FAM117A: variants seen among roughly 807,000 people sequenced by gnomAD.
FAM117A encodes protein FAM117A.
In FAM117A, 21 loss-of-function variants were observed where a neutral mutation model predicts 44.1. That is an observed-to-expected ratio of 0.48 (90% CI 0.34 to 0.69). FAM117A has a LOEUF of 0.69. Among genes scored for constraint, FAM117A ranks in the 30% least tolerant of loss-of-function variants. The pLI is 0.01. For missense variants in FAM117A, 498 were observed against 589.9 expected (o/e 0.84, Z 1.61); for synonymous variants, 220 against 238.3 (o/e 0.92, Z 0.71).
chr17:49,732,704 C>T lies in FAM117A; in HGVS notation c.213G>A (p.Ser71=), dbSNP rs761863833. ...GGGRAASVPC[S]VAPEKSVCRP... is the part of the protein sequence containing the mutation. ...TACACACTGACTTTTCTGGGGCCAC[C>T]GAGCATGGGACGCTGGCTGCAAGAG... Residue 71 remains serine, a synonymous_variant, in exon 2 of 8, where the codon TCG becomes TCA. Coordinates refer to ENST00000240364, the MANE Select transcript of FAM117A (RefSeq NM_030802.4). 6.2e-7 allele frequency: 1 copy of T among 1,613,470 alleles called. No homozygotes were observed. The highest frequency in any genetic ancestry group is 8.5e-7 in the Non-Finnish European group (1 of 1,179,722).
At chr17:49,783,379 G>A (rs958407853) in intron 1 of FAM117A, among the ~76,000 whole-genome samples, 1 of 152,160 alleles carries the variant, frequency 6.6e-6, no homozygotes. Context: ...GGTGGGAGAA[G>A]AACTGCTATT....
chr17:49,774,549 G>A (rs568234352), intron 1 of FAM117A, among the ~76,000 whole-genome samples: 6 of 152,044 alleles, frequency 3.9e-5, no homozygotes, highest in African/African-American at 1.4e-4. Flanking sequence ...TAGTAGAGAC[G>A]GGGTTTCACC....
chr17:49,773,053 C>T (rs1394725155), intron 1 of FAM117A, among the ~76,000 whole-genome samples: 1 of 152,128 alleles, frequency 6.6e-6, no homozygotes, highest in African/African-American at 2.4e-5. Flanking sequence ...CAACTGTAAT[C>T]CCAGCACTTT....
intron 1 of FAM117A, among the ~76,000 whole-genome samples, chr17:49,745,764 A>C (rs1227490244): frequency 1.3e-5 from 2 of 152,230 alleles, no homozygotes; most frequent in Non-Finnish European, 2.9e-5. Flanking sequence ...TGTTAGTCTC[A>C]AAAAACAAAT....
At chr17:49,753,330 G>A (rs1443115784) in intron 1 of FAM117A, among the ~76,000 whole-genome samples, 1 of 152,212 alleles carries the variant, frequency 6.6e-6, no homozygotes, top group African/African-American at 2.4e-5. Context: ...AATGCCCTTT[G>A]CCTAATTAAG....
chr17:49,786,798 A>C (rs1341421299), intron 1 of FAM117A, among the ~76,000 whole-genome samples: 1 of 150,730 alleles, frequency 6.6e-6, no homozygotes, highest in Admixed American at 6.6e-5. Context: ...AAAAAAAAGA[A>C]AGGCTGGTAT....
upstream of FAM117A, among the ~76,000 whole-genome samples, chr17:49,765,401 G>A (rs1242358142): frequency 6.6e-6 from 1 of 152,180 alleles, no homozygotes; most frequent in Admixed American, 6.5e-5. Context: ...ATTCCCTGAA[G>A]CCATACTAAC....
intron 1 of FAM117A, among the ~76,000 whole-genome samples, chr17:49,740,325 T>C (rs112322515): frequency 0.036 from 5,539 of 151,878 alleles, 196 homozygotes; most frequent in East Asian, 0.098. Flanking sequence ...TCGGCGCTCA[T>C]TGCAAGCTCC....
At position 49,716,305 on chromosome 17, in the gene FAM117A, T is replaced by C. The variant is rs750574327; in HGVS notation, c.921A>G (p.Pro307=). Residue 307 remains proline (P), a synonymous_variant, in exon 7 of 8, where the codon CCA becomes CCG. Coordinates refer to ENST00000240364, the MANE Select transcript of FAM117A (RefSeq NM_030802.4). ...ASTPNDKASS[P]GHPAFLEDGS... Reference sequence around the variant, plus strand: ...CATCTTCAAGAAAGGCTGGGTGTCCTGGAGAGGAGGCTGTGAACAGAGCAA... The same window carrying C: ...CATCTTCAAGAAAGGCTGGGTGTCCCGGAGAGGAGGCTGTGAACAGAGCAA... 4.4e-6 allele frequency: 7 copies of C among 1,592,194 alleles called. No individual in the cohort carries two copies. The highest frequency in any genetic ancestry group is 1.7e-5 in the Admixed American group (1 of 58,040).
intron 1 of FAM117A, among the ~76,000 whole-genome samples, chr17:49,780,804 T>C (rs2073787457): frequency 1.3e-5 from 2 of 152,188 alleles, no homozygotes; most frequent in Middle Eastern, 3.4e-3. Context: ...GAGGAGAAAA[T>C]ACTAAAGACA....
chr17:49,750,682 A>G (rs1243372644), intron 1 of FAM117A, among the ~76,000 whole-genome samples: 1 of 152,212 alleles, frequency 6.6e-6, no homozygotes, highest in African/African-American at 2.4e-5. Flanking sequence ...AGGCTGAGAC[A>G]GGAGCATCGC....
upstream of FAM117A, among the ~76,000 whole-genome samples, chr17:49,766,918 C>A (rs1233818696): frequency 1.3e-5 from 2 of 152,120 alleles, no homozygotes; most frequent in African/African-American, 4.8e-5. Flanking sequence ...ATTCCAAAGC[C>A]AAGGTACCAG....
rs555628601 is a variant in FAM117A at position 49,751,528 on chromosome 17, C to T, written c.196+12364G>A. Among the ~76,000 whole-genome samples the T allele has an allele frequency of 2.0e-3, 304 of 151,666 alleles. 4 individuals carry two copies. Among genetic ancestry groups the T allele is most frequent in the African/African-American group, 6.9e-3 (287 of 41,320 alleles). On this transcript the variant is annotated intron_variant, in intron 1 of 7. Transcript: ENST00000240364. ...CAGGGAGGCAGAGGTTGCAGTGAGA[C>T]GAGATTGCACCACTATACTCCAGCC...
chr17:49,740,387 C>G (rs1178867601), intron 1 of FAM117A, among the ~76,000 whole-genome samples: 1 of 151,940 alleles, frequency 6.6e-6, no homozygotes, highest in Non-Finnish European at 1.5e-5. Context: ...GTAGCTGGGA[C>G]TACAGGCGCC....
chr17:49,767,379 A>G (rs2073748539), upstream of FAM117A, among the ~76,000 whole-genome samples: 1 of 152,204 alleles, frequency 6.6e-6, no homozygotes, highest in Non-Finnish European at 1.5e-5. Context: ...TAATTAGCTC[A>G]TCACAAATTT....
chr17:49,784,866 T>C (rs1195074806), intron 1 of FAM117A, among the ~76,000 whole-genome samples: 1 of 152,222 alleles, frequency 6.6e-6, no homozygotes, highest in African/African-American at 2.4e-5. Flanking sequence ...GTTTTGTCCA[T>C]GGGGTATAAC....
chr17:49,788,996 A>C, upstream of FAM117A: 1 of 668,808 alleles, frequency 1.5e-6, no homozygotes, highest in Non-Finnish European at 2.3e-6. Flanking sequence ...GTCCATACCC[A>C]ACAGAAAAAT....
intron 1 of FAM117A, among the ~76,000 whole-genome samples, chr17:49,763,649 G>A (rs1211822219): frequency 6.6e-6 from 1 of 150,432 alleles, no homozygotes; most frequent in Non-Finnish European, 1.5e-5. Context: ...GCCTCCATCT[G>A]CCAGGTCCCT....
intron 1 of FAM117A, chr17:49,773,250 G>A (rs141552484): frequency 0.029 from 4,329 of 151,870 alleles, 140 homozygotes; most frequent in African/African-American, 0.079. Flanking sequence ...GTTGTAGTGA[G>A]CCGAGATCAC....
Sources: gnomAD v4.1 joint callset for allele counts (sites outside exome capture counted in the v4.1 genomes callset) on GRCh38, gnomAD v4.1.1 for gene constraint, MANE v1.5 for transcripts, NCBI Gene and HGNC (gene_info 2026-07-23, HGNC 2026-07-21) for gene names.